Variants in MYO18B observed in about 807,000 individuals in gnomAD.
MYO18B encodes the protein unconventional myosin-XVIIIb.
A neutral mutation model predicts 273.0 loss-of-function variants in MYO18B; 204 were observed. The ratio of observed to expected loss-of-function variants is 0.75; its 90% CI spans 0.67 to 0.84. The LOEUF (loss-of-function observed/expected upper bound fraction) is 0.84, where lower values mean the gene tolerates loss of function less well. MYO18B is among the 40% of genes least tolerant of loss of function. MYO18B has a pLI of 0.00. For missense variants in MYO18B, 3,212 were observed against 3,287.6 expected, an observed-to-expected ratio of 0.98 and a Z score of 0.56; for synonymous variants, 1,330 against 1,305.7, an observed-to-expected ratio of 1.02 and a Z score of -0.40.
chr22:25,774,575 G>T (rs995078722), intron 7 of MYO18B, among the ~76,000 whole-genome samples: 1 of 152,232 alleles, frequency 6.6e-6, no homozygotes, highest in Non-Finnish European at 1.5e-5. Context: ...TAACCCTGGG[G>T]TGGGGTGCGG....
chr22:25,909,068 A>G (rs889292911), intron 32 of MYO18B, among the ~76,000 whole-genome samples: 4 of 152,148 alleles, frequency 2.6e-5, no homozygotes, highest in Non-Finnish European at 5.9e-5. Flanking sequence ...TTTTCACCCA[A>G]AGCTTATCCT....
chr22:25,895,861 C>G (rs1466675819), intron 28 of MYO18B, among the ~76,000 whole-genome samples: 1 of 151,230 alleles, frequency 6.6e-6, no homozygotes, highest in Non-Finnish European at 1.5e-5. Flanking sequence ...CGTTTTTGAG[C>G]TCATCTTCAA....
At chr22:25,974,246 A>G (rs1233980900) in intron 39 of MYO18B, among the ~76,000 whole-genome samples, 1 of 152,208 alleles carries the variant, frequency 6.6e-6, no homozygotes, top group African/African-American at 2.4e-5. Flanking sequence ...GAACTTTGAT[A>G]TATAAGACCT....
At chr22:25,926,618 A>G (rs916231258) in intron 34 of MYO18B, among the ~76,000 whole-genome samples, 4 of 152,150 alleles carry the variant, frequency 2.6e-5, no homozygotes, top group African/African-American at 9.7e-5. Context: ...TATAAAGGAC[A>G]TGTAGGAGGG....
In MYO18B at chr22:25,769,269, A is replaced by G; in HGVS notation, c.1353A>G (p.Arg451=). The change falls in exon 4 of 44, where the codon AGA becomes AGG. Residue 451 remains arginine, a synonymous_variant. Transcript: ENST00000335473. Reference sequence around the variant, plus strand: ...AGGAAGCAGAGGAGCCCTGCTCAAGAGCAGGTGATGGGGCTGGTGCCCTGG... The same window carrying G: ...AGGAAGCAGAGGAGCCCTGCTCAAGGGCAGGTGATGGGGCTGGTGCCCTGG... The part of the protein sequence containing the change: ...RGQEAEEPCS[R]AGDGAGALET... 6.3e-7 allele frequency: 1 copy of G among 1,590,266 alleles called. No individual in the cohort carries two copies. Among genetic ancestry groups the G allele is most frequent in the Non-Finnish European group, 8.6e-7 (1 of 1,168,774 alleles).
intron 42 of MYO18B, among the ~76,000 whole-genome samples, chr22:26,020,925 C>A (rs1935762053): frequency 6.6e-6 from 1 of 152,092 alleles, no homozygotes; most frequent in Admixed American, 6.6e-5. Flanking sequence ...CCTATCTCTA[C>A]TAAAAATACA....
At chr22:25,819,783 TG>T (rs2089194985) in intron 12 of MYO18B, among the ~76,000 whole-genome samples, 1 of 152,066 alleles carries the variant, frequency 6.6e-6, no homozygotes, top group Admixed American at 6.5e-5. Flanking sequence ...TTGGTGAAAA[TG>T]TAGTTCTTCC....
chr22:25,848,196 G>C (rs565326304), intron 20 of MYO18B, among the ~76,000 whole-genome samples: 2 of 152,254 alleles, frequency 1.3e-5, no homozygotes, highest in African/African-American at 4.8e-5. Context: ...TGATGTTCAC[G>C]ATGCTCAGTT....
intron 39 of MYO18B, among the ~76,000 whole-genome samples, chr22:25,960,727 A>G (rs2092908968): frequency 6.6e-6 from 1 of 152,070 alleles, no homozygotes; most frequent in Admixed American, 6.5e-5. Context: ...TTTAAGCATC[A>G]TCCCCTCCAG....
the MYO18B span, among the ~76,000 whole-genome samples, chr22:26,049,369 G>A: frequency 5.9e-5 from 9 of 152,194 alleles, no homozygotes; most frequent in South Asian, 2.1e-4. Flanking sequence ...AAACACAAGC[G>A]TCTGATTTTG....
intron 12 of MYO18B, among the ~76,000 whole-genome samples, chr22:25,823,028 T>C (rs2089342457): frequency 6.6e-6 from 1 of 152,196 alleles, no homozygotes; most frequent in South Asian, 2.1e-4. Flanking sequence ...ACTTTTTGCT[T>C]TCTCTTTCCT....
chr22:25,754,113 A>T (rs1380185665), intron 1 of MYO18B, among the ~76,000 whole-genome samples: 1 of 152,164 alleles, frequency 6.6e-6, no homozygotes, highest in Non-Finnish European at 1.5e-5. Context: ...ACGCGTTGAG[A>T]ATTCTGGCCT....
intron 25 of MYO18B, among the ~76,000 whole-genome samples, chr22:25,882,100 C>T (rs1422800672): frequency 1.3e-5 from 2 of 152,210 alleles, no homozygotes; most frequent in African/African-American, 4.8e-5. Flanking sequence ...CTACTCTGTG[C>T]TACCACTAGC....
intron 39 of MYO18B, among the ~76,000 whole-genome samples, chr22:25,987,964 C>T (rs1177282650): frequency 6.6e-6 from 1 of 152,154 alleles, no homozygotes; most frequent in Non-Finnish European, 1.5e-5. Flanking sequence ...CAATTTCTCT[C>T]CATGCTTCAA....
intron 22 of MYO18B, among the ~76,000 whole-genome samples, chr22:25,869,734 A>G (rs1315371040): frequency 6.6e-6 from 1 of 152,074 alleles, no homozygotes; most frequent in Non-Finnish European, 1.5e-5. Context: ...CATCCGTGAG[A>G]GTGGTCCTTT....
At chr22:25,851,443 T>C in intron 20 of MYO18B, 27 bp from the exon 21 acceptor site, 1 of 1,492,600 alleles carries the variant, frequency 6.7e-7, no homozygotes, top group Non-Finnish European at 9.1e-7. Context: ...CTCTGTGCTC[T>C]TCTCCTGCCT....
intron 34 of MYO18B, among the ~76,000 whole-genome samples, chr22:25,933,348 C>G (rs2092533919): frequency 6.6e-6 from 1 of 152,152 alleles, no homozygotes; most frequent in African/African-American, 2.4e-5. Flanking sequence ...CCTGGCCCCA[C>G]CCTCCACCTG....
chr22:25,790,147 C>T (rs868625222), intron 11 of MYO18B, among the ~76,000 whole-genome samples: 46 of 39,986 alleles, frequency 1.2e-3, no homozygotes, highest in Middle Eastern at 0.022. Flanking sequence ...CGTGAGACTC[C>T]GTCTCAAAAA....
At position 25,768,464 on chromosome 22, in the gene MYO18B, C is replaced by G. The variant is rs750193162; in HGVS notation, c.548C>G (p.Pro183Arg). The G allele has an allele frequency of 3.1e-6, 5 of 1,605,114 alleles. No individual in the cohort carries two copies. The Admixed American group carries it at 6.7e-5, about 22-fold the overall frequency. ...GCCCCCCCTTGCAAGACCTCTCCCC[C>G]CGCCACAGATACTGGAAAGGAAAAG... ...HDAPPCKTSP[P>R]ATDTGKEKKG... Residue 183 changes from proline (P) to arginine (R), a missense_variant, in exon 4 of 44, where the codon CCC becomes CGC. Pro to Arg is a moderately radical substitution (Grantham distance 103, BLOSUM62 -2). Coordinates refer to ENST00000335473, the MANE Select transcript of MYO18B (RefSeq NM_032608.7).
Sources: allele counts gnomAD v4.1 joint callset (sites outside exome capture counted in the v4.1 genomes callset), GRCh38; gene constraint gnomAD v4.1.1; transcripts MANE v1.5; gene names NCBI Gene and HGNC (gene_info 2026-07-23, HGNC 2026-07-21).